Variants in MALRD1 observed in about 807,000 individuals in gnomAD.
MALRD1 encodes MAM and LDL receptor class A domain containing 1.
A neutral mutation model predicts 242.1 loss-of-function variants in MALRD1; 247 were observed. The ratio of observed to expected loss-of-function variants is 1.02; its 90% CI spans 0.92 to 1.13. The LOEUF is 1.13. Ranked by LOEUF, MALRD1 falls within the 50% of genes most tolerant of loss-of-function variation. The pLI is 0.00. For synonymous variants in MALRD1, 995 were observed against 866.6 expected, an observed-to-expected ratio of 1.15 and a Z score of -2.60; for missense variants, 2,989 against 2,533.1, an observed-to-expected ratio of 1.18 and a Z score of -3.86.
chr10:19,588,889 C>T (rs865911149), intron 33 of MALRD1, among the ~76,000 whole-genome samples: 4 of 152,264 alleles, frequency 2.6e-5, no homozygotes, highest in Middle Eastern at 3.4e-3. Context: ...GTCATCCGAC[C>T]GCCTTGGCCT....
At chr10:19,257,399 G>T (rs1839563393) in intron 18 of MALRD1, among the ~76,000 whole-genome samples, 1 of 152,078 alleles carries the variant, frequency 6.6e-6, no homozygotes, top group South Asian at 2.1e-4. Context: ...AAGTTATAGG[G>T]CAGTGGATAT....
intron 38 of MALRD1, among the ~76,000 whole-genome samples, chr10:19,706,888 C>G (rs1035548925): frequency 1.3e-5 from 2 of 152,084 alleles, no homozygotes; most frequent in African/African-American, 4.8e-5. Flanking sequence ...TCCTGGATTC[C>G]TTCCTGCAAC....
chr10:19,262,966 AT>A (rs1459229015), intron 19 of MALRD1, among the ~76,000 whole-genome samples: 1 of 152,048 alleles, frequency 6.6e-6, no homozygotes. Flanking sequence ...GGATTTCTTG[AT>A]TTTTTTAAAG....
At chr10:19,573,732 G>T (rs1393384194) in intron 33 of MALRD1, among the ~76,000 whole-genome samples, 2 of 152,060 alleles carry the variant, frequency 1.3e-5, no homozygotes, top group Non-Finnish European at 2.9e-5. Context: ...ATCATTTTGA[G>T]AAACCTAAGA....
chr10:19,104,911 T>G (rs1001524369), intron 5 of MALRD1, among the ~76,000 whole-genome samples: 4 of 152,102 alleles, frequency 2.6e-5, no homozygotes. Flanking sequence ...GACACATAAT[T>G]GTATATATTT....
intron 31 of MALRD1, among the ~76,000 whole-genome samples, chr10:19,530,473 A>G (rs1347147998): frequency 7.3e-6 from 1 of 137,504 alleles, no homozygotes; most frequent in African/African-American, 2.7e-5. Context: ...ATAAATAATT[A>G]TATAATATTT....
At chr10:19,588,290 A>T (rs1387299368) in intron 33 of MALRD1, among the ~76,000 whole-genome samples, 3 of 152,236 alleles carry the variant, frequency 2.0e-5, no homozygotes, top group Non-Finnish European at 4.4e-5. Context: ...AATTATCAAG[A>T]AAAGTAAAAT....
chr10:19,450,190 T>C (rs1175279678), intron 28 of MALRD1, 117 bp from the exon 29 acceptor site: 1 of 895,764 alleles, frequency 1.1e-6, no homozygotes, highest in Admixed American at 3.0e-5. Context: ...TGCTTCTTTG[T>C]TTTTTCAGTT....
intron 14 of MALRD1, among the ~76,000 whole-genome samples, chr10:19,196,502 G>A (rs1836256174): frequency 6.7e-6 from 1 of 149,232 alleles, no homozygotes; most frequent in Non-Finnish European, 1.5e-5. Context: ...ACTTAAACTT[G>A]ACTTGGCTCT....
chr10:19,499,635 A>C (rs920869520), intron 31 of MALRD1, among the ~76,000 whole-genome samples: 1 of 152,112 alleles, frequency 6.6e-6, no homozygotes, highest in Admixed American at 6.6e-5. Flanking sequence ...ATATACACAC[A>C]TCCTGTTGAT....
chr10:19,317,584 A>G (rs1275692611), intron 21 of MALRD1, among the ~76,000 whole-genome samples: 4 of 152,166 alleles, frequency 2.6e-5, no homozygotes, highest in African/African-American at 7.2e-5. Flanking sequence ...GACAAATTCC[A>G]TCTGATTCTG....
rs71388849 is a variant in MALRD1 at position 19,543,433 on chromosome 10, C to CTTTTTTTTTTTTTT, written c.5478+12087_5478+12100dup. Among the ~76,000 whole-genome samples the CTTTTTTTTTTTTTT allele has an allele frequency of 1.5e-3, 156 of 106,418 alleles. 10 individuals are homozygous for CTTTTTTTTTTTTTT. Among genetic ancestry groups the CTTTTTTTTTTTTTT allele is most frequent in the African/African-American group, 2.1e-3 (62 of 29,328 alleles). 69.8% of individuals were successfully genotyped at this position (106,418 alleles called of 152,430 possible). On this transcript the variant is annotated intron_variant, in intron 32 of 39. Coordinates refer to ENST00000454679, the MANE Select transcript of MALRD1 (RefSeq NM_001142308.3). Reference sequence around the variant, plus strand: ...TGTAAAAATCATGCCCAGCTGATTTCTTTTTTTTTTTTTTTTTTGAGAGAG... The same window carrying CTTTTTTTTTTTTTT: ...TGTAAAAATCATGCCCAGCTGATTTCTTTTTTTTTTTTTTTTTTTTTTTTTTTTTTTTGAGAGAG...
chr10:19,201,363 A>G (rs910876530), intron 14 of MALRD1, among the ~76,000 whole-genome samples: 3 of 152,192 alleles, frequency 2.0e-5, no homozygotes, highest in Non-Finnish European at 4.4e-5. Flanking sequence ...AGTCTTATCT[A>G]AGAGGACTAC....
intron 19 of MALRD1, among the ~76,000 whole-genome samples, chr10:19,262,936 A>C (rs760896835): frequency 4.6e-5 from 7 of 152,154 alleles, no homozygotes; most frequent in Non-Finnish European, 5.9e-5. Context: ...ACATGGCATT[A>C]TTCTAATTTC....
chr10:19,692,286 A>G lies in MALRD1; in HGVS notation c.6142A>G (p.Arg2048Gly), dbSNP rs1380475893. Reference sequence around the variant, plus strand: ...TTTATTTTATCTCCTTTCCAGATGTAGACAAGGCTGGAAAGGAAATCGATG... The same window carrying G: ...TTTATTTTATCTCCTTTCCAGATGTGGACAAGGCTGGAAAGGAAATCGATG... ...VEKNGPMCRCRQGWKGNRCHI... is the reference protein window; with the variant it reads ...VEKNGPMCRCGQGWKGNRCHI... Residue 2048 changes from arginine to glycine, a missense_variant, in exon 37 of 40, where the codon AGA becomes GGA. Coordinates refer to ENST00000454679, the MANE Select transcript of MALRD1 (RefSeq NM_001142308.3). 4 of 1,533,544 alleles carry G rather than the reference A, an allele frequency of 2.6e-6. No homozygotes were observed. The highest frequency in any genetic ancestry group is 2.6e-6 in the Non-Finnish European group (3 of 1,145,046). 95.0% of individuals were successfully genotyped at this position (1,533,544 alleles called of 1,614,324 possible).
chr10:19,707,139 TCTC>T (rs1330064875), intron 38 of MALRD1, among the ~76,000 whole-genome samples: 51 of 150,176 alleles, frequency 3.4e-4, no homozygotes, highest in African/African-American at 1.2e-3. Context: ...TCTTCTTCCT[TCTC>T]CTCCTCATCC....
intron 36 of MALRD1, among the ~76,000 whole-genome samples, chr10:19,621,351 T>TAAAAAAAAAAAAAAAAAAAAAAAAAAA (rs56041015): frequency 3.3e-5 from 4 of 121,840 alleles, no homozygotes; most frequent in Non-Finnish European, 5.0e-5. Flanking sequence ...TAAAAATATG[T>TAAAAAAAAAAAAAAAAAAAAAAAAAAA]AAAAAAAAAA....
At chr10:19,532,966 A>T (rs1255431141) in intron 32 of MALRD1, among the ~76,000 whole-genome samples, 1 of 152,258 alleles carries the variant, frequency 6.6e-6, no homozygotes, top group South Asian at 2.1e-4. Flanking sequence ...AAACTCCACA[A>T]CACCTTATTT....
intron 14 of MALRD1, among the ~76,000 whole-genome samples, chr10:19,176,416 G>A (rs1247875703): frequency 1.7e-5 from 2 of 117,564 alleles, no homozygotes; most frequent in East Asian, 2.4e-4. Context: ...CGCCCAGGCC[G>A]GACTGCGGAC....
Sources: gnomAD v4.1 joint callset for allele counts (sites outside exome capture counted in the v4.1 genomes callset) on GRCh38, gnomAD v4.1.1 for gene constraint, MANE v1.5 for transcripts, NCBI Gene and HGNC (gene_info 2026-07-23, HGNC 2026-07-21) for gene names.